DHRS3: variants seen among roughly 807,000 people sequenced by gnomAD.
The protein encoded by DHRS3 is dehydrogenase/reductase 3.
A neutral mutation model predicts 27.2 loss-of-function variants in DHRS3; 14 were observed. That is an observed-to-expected ratio of 0.52 (90% confidence interval 0.34 to 0.81). The LOEUF is 0.81. Among genes scored for constraint, DHRS3 ranks in the 30% least tolerant of loss-of-function variants. DHRS3 has a pLI of 0.01. For missense variants in DHRS3, 322 were observed against 406.2 expected, an observed-to-expected ratio of 0.79 and a Z score of 1.78; for synonymous variants, 165 against 175.9, an observed-to-expected ratio of 0.94 and a Z score of 0.49.
Position 12,617,198 on chromosome 1 carries a change from C to G in DHRS3, c.151G>C (p.Gly51Arg), listed in dbSNP as rs767616460. ...GCGAACTCGCGGGCGAGCTGACGCC[C>G]GATGCCTCTCCCGCCGCCGGTGATG... Reference protein sequence around the residue: ...VLITGGGRGIGRQLAREFAER... With the variant: ...VLITGGGRGIRRQLAREFAER... The change falls in exon 1 of 6, where the codon GGG becomes CGG. Residue 51 changes from glycine to arginine, a missense_variant. By Grantham distance (125) the Gly-to-Arg change is moderately radical (BLOSUM62 -2). Transcript: ENST00000616661. 3 of 1,613,188 alleles carry G rather than the reference C, an allele frequency of 1.9e-6. No individual in the cohort carries two copies. The highest frequency in any genetic ancestry group is 8.5e-7 in the Non-Finnish European group (1 of 1,179,874).
Position 12,617,213 on chromosome 1 carries a change from C to T in DHRS3, c.136G>A (p.Gly46Ser). 6.2e-7 allele frequency: 1 copy of T among 1,613,470 alleles called. No homozygotes were observed. Among genetic ancestry groups the T allele is most frequent in the Non-Finnish European group, 8.5e-7 (1 of 1,179,916 alleles). The change falls in exon 1 of 6, where the codon GGC (glycine) becomes AGC (serine). Residue 46 changes from glycine (G) to serine (S), a missense_variant. Gly to Ser is a moderately conservative substitution (Grantham distance 56). Transcript: ENST00000616661. ...LSRENVLITG[G>S]GRGIGRQLAR... ...AGCTGACGCCCGATGCCTCTCCCGC[C>T]GCCGGTGATGAGGACGTTCTCCCGC...
intron 1 of DHRS3, among the ~76,000 whole-genome samples, chr1:12,589,840 C>CATTATTATTATTATT (rs150189606): frequency 2.6e-4 from 39 of 149,252 alleles, no homozygotes; most frequent in African/African-American, 9.5e-4. Flanking sequence ...AGCTAGCTGT[C>CATTATTATTATTATT]ATTATTATTA....
At chr1:12,572,428 C>T (rs563660455) in intron 5 of DHRS3, among the ~76,000 whole-genome samples, 64 of 152,342 alleles carry the variant, frequency 4.2e-4, no homozygotes, top group Non-Finnish European at 7.5e-4. Flanking sequence ...CCTCGGCCTC[C>T]CAAAGTGCTA....
intron 1 of DHRS3, among the ~76,000 whole-genome samples, chr1:12,588,641 G>T (rs1419297688): frequency 6.6e-6 from 1 of 152,216 alleles, no homozygotes; most frequent in Admixed American, 6.5e-5. Flanking sequence ...TAAAAGCTCA[G>T]CTAACATCAT....
At chr1:12,615,964 C>A (rs773243011) in intron 1 of DHRS3, among the ~76,000 whole-genome samples, 1 of 152,178 alleles carries the variant, frequency 6.6e-6, no homozygotes, top group African/African-American at 2.4e-5. Flanking sequence ...CCGGCCAGCC[C>A]GGCTAGGGAA....
At chr1:12,596,195 TG>T (rs142941548) in intron 1 of DHRS3, 64,954 of 152,144 alleles carry the variant, frequency 0.43, 14,817 homozygotes, top group South Asian at 0.57. Flanking sequence ...GCCGCCCCTC[TG>T]GCGGGCACCC....
rs1217302029 is a variant in DHRS3 at position 12,574,127 on chromosome 1, C to G, written c.699-1274G>C. Among the ~76,000 whole-genome samples, 3 of 152,162 alleles carry G rather than the reference C, an allele frequency of 2.0e-5. No individual in the cohort carries two copies. Among genetic ancestry groups the G allele is most frequent in the African/African-American group, 7.2e-5 (3 of 41,442 alleles). On this transcript the variant is annotated intron_variant, in intron 4 of 5. Transcript: ENST00000616661. This position sits in a 1 kb window ranked among gnomAD's most constrained non-coding sequence, Gnocchi z 4.6. ...GGCCTCAGAGGGTACATGAATCTTACCCCCTGCCCTGTAATTCCTTTGTCA... is the reference window on the plus strand; with the variant it reads ...GGCCTCAGAGGGTACATGAATCTTAGCCCCTGCCCTGTAATTCCTTTGTCA...
rs1646761164 is a variant in DHRS3, at chr1:12,593,231, A to C, written c.196-12565T>G. ...GTCTGCCCCATCCCTCGTCTCAGCT[A>C]CTCCCTCCTAGGTCTCGGCCCTGCA... On this transcript the variant is annotated intron_variant, in intron 1 of 5. Transcript: ENST00000616661. The surrounding 1 kb of genome is among the most constrained non-coding windows in gnomAD (Gnocchi z 4.6). Among the ~76,000 whole-genome samples, 1 of 150,782 alleles carries C rather than the reference A, an allele frequency of 6.6e-6. No individual in the cohort carries two copies. The highest frequency in any genetic ancestry group is 1.5e-5 in the Non-Finnish European group (1 of 67,742).
At position 12,608,951 on chromosome 1, in the gene DHRS3, A is replaced by T. The variant is rs1047961938; in HGVS notation, c.195+8203T>A. Among the ~76,000 whole-genome samples, 3 of 152,186 alleles carry T rather than the reference A, an allele frequency of 2.0e-5. No individual in the cohort carries two copies. Among genetic ancestry groups the T allele is most frequent in the African/African-American group, 7.2e-5 (3 of 41,454 alleles). ...CCTTGTCACCCAGCCTGCTCCCTGG[A>T]TACCTTCCAGTTGGTCAAGGGCCCT... On this transcript the variant is annotated intron_variant, in intron 1 of 5. Transcript: ENST00000616661. The surrounding 1 kb of genome is among the most constrained non-coding windows in gnomAD (Gnocchi z 4.1).
At chr1:12,581,499 G>A (rs1646643563) in intron 1 of DHRS3, among the ~76,000 whole-genome samples, 2 of 152,304 alleles carry the variant, frequency 1.3e-5, no homozygotes, top group East Asian at 1.9e-4. Context: ...GGGCAGTGAC[G>A]AGGCTGCCAC....
intron 1 of DHRS3, among the ~76,000 whole-genome samples, chr1:12,600,550 C>T (rs868625597): frequency 1.3e-5 from 2 of 152,216 alleles, no homozygotes; most frequent in South Asian, 2.1e-4. Context: ...ATGAAGGTCA[C>T]GCTGCCCTTT....
chr1:12,593,975 C>T lies in DHRS3; in HGVS notation c.196-13309G>A, dbSNP rs370354536. ...GCCCAGGGCCGCACTTGGCAAAACA[C>T]GGAGGCAGAGAAACTCAGGCTAGAG... is the stretch of plus-strand genomic sequence containing the variant. On this transcript the variant is annotated intron_variant, in intron 1 of 5. Transcript: ENST00000616661. This position sits in a 1 kb window ranked among gnomAD's most constrained non-coding sequence, Gnocchi z 4.6. 2.0e-5 allele frequency among the ~76,000 whole-genome samples: 3 copies of T among 152,342 alleles called. No individual in the cohort carries two copies. The highest frequency in any genetic ancestry group is 2.1e-4 in the South Asian group (1 of 4,832).
chr1:12,600,738 G>A (rs1361185772), intron 1 of DHRS3, among the ~76,000 whole-genome samples: 1 of 152,164 alleles, frequency 6.6e-6, no homozygotes, highest in African/African-American at 2.4e-5. Flanking sequence ...AGGGAGAGCT[G>A]GCCTCTCGCA....
chr1:12,596,549 G>A lies in DHRS3; in HGVS notation c.196-15883C>T, dbSNP rs140634555. Among the ~76,000 whole-genome samples, 249 of 152,028 alleles carry A rather than the reference G, an allele frequency of 1.6e-3. 1 individual carries two copies. Among genetic ancestry groups the A allele is most frequent in the Non-Finnish European group, 2.8e-3 (191 of 67,950 alleles). On this transcript the variant is annotated intron_variant, in intron 1 of 5. Coordinates refer to ENST00000616661, the MANE Select transcript of DHRS3 (RefSeq NM_004753.7). ...GCAGGGGGCCTGTTTATCCCGCGGAGCTCCCAGAGCAGCCCTGGACCGCAC... is the reference window on the plus strand; with the variant it reads ...GCAGGGGGCCTGTTTATCCCGCGGAACTCCCAGAGCAGCCCTGGACCGCAC...
intron 3 of DHRS3, 114 bp from the exon 4 acceptor site, chr1:12,579,070 C>T (rs1646618836): frequency 1.6e-6 from 2 of 1,260,818 alleles, no homozygotes; most frequent in Admixed American, 2.0e-5. Flanking sequence ...GGGCCCGAGC[C>T]TTCCTGCGAG....
chr1:12,583,611 AT>A (rs1646666563), intron 1 of DHRS3, among the ~76,000 whole-genome samples: 2 of 136,758 alleles, frequency 1.5e-5, no homozygotes, highest in Admixed American at 7.2e-5. Flanking sequence ...CCATCCATCC[AT>A]CCATCCATCC....
At chr1:12,582,204 C>T (rs960209617) in intron 1 of DHRS3, among the ~76,000 whole-genome samples, 3 of 152,118 alleles carry the variant, frequency 2.0e-5, no homozygotes, top group Non-Finnish European at 2.9e-5. Flanking sequence ...ACCGTTTATC[C>T]GCTGCTCACC....
rs1477902103 is a variant in DHRS3 at position 12,608,688 on chromosome 1, G to A, written c.195+8466C>T. Among the ~76,000 whole-genome samples the A allele has an allele frequency of 2.0e-5, 3 of 152,074 alleles. No individual in the cohort carries two copies. Among genetic ancestry groups the A allele is most frequent in the African/African-American group, 4.8e-5 (2 of 41,406 alleles). On this transcript the variant is annotated intron_variant, in intron 1 of 5. Transcript: ENST00000616661. This position sits in a 1 kb window ranked among gnomAD's most constrained non-coding sequence, Gnocchi z 4.1. ...TAACCTCCCCCAGTGCAGAAATCTC[G>A]ACACCATGTTTGCTTAAAGAGCAAC... is the stretch of plus-strand genomic sequence containing the variant.
Position 12,617,788 on chromosome 1 carries a change from TAAAAAAAAAAAA to T in DHRS3, c.-452_-441del, listed in dbSNP as rs891272993. On this transcript the variant is annotated 5_prime_UTR_variant, in exon 1 of 6. Coordinates refer to ENST00000616661, the MANE Select transcript of DHRS3 (RefSeq NM_004753.7). ...GTCCCGCGGTTTCAAAGTGCAAGAT[TAAAAAAAAAAAA>T]AAAAAAAAAAAAAAAGCTGATTCCA... The T allele has an allele frequency of 3.3e-4, 1 of 3,070 alleles. No homozygotes were observed. Among genetic ancestry groups the T allele is most frequent in the African/African-American group, 1.5e-3 (1 of 674 alleles). 0.2% of individuals were successfully genotyped at this position (3,070 alleles called of 1,614,324 possible). A position where few individuals can be genotyped will look rare whatever the true frequency, so the allele number is the denominator to read the frequency against.
Sources: allele counts gnomAD v4.1 joint callset (sites outside exome capture counted in the v4.1 genomes callset), GRCh38; gene constraint gnomAD v4.1.1; non-coding constraint Gnocchi (gnomAD v3.1); transcripts MANE v1.5; gene names NCBI Gene and HGNC (gene_info 2026-07-23, HGNC 2026-07-21).